The following NEBL variants were observed in gnomAD, a reference collection of about 807,000 sequenced individuals.
NEBL encodes LIM and SH3 protein 2.
NEBL carries 122 observed loss-of-function variants against 140.2 expected under a neutral mutation model. That is an observed-to-expected ratio of 0.87 (90% CI 0.75 to 1.01). NEBL has a LOEUF of 1.01. Among genes scored for constraint, NEBL ranks in the 50% least tolerant of loss-of-function variants. The probability of loss-of-function intolerance (pLI) is 0.00; values close to 1 mark genes in which losing one functional copy is unlikely to be tolerated. For synonymous variants in NEBL, 436 were observed against 398.9 expected (o/e 1.09, Z -1.11); for missense variants, 1,365 against 1,231.3 (o/e 1.11, Z -1.62).
At chr10:21,181,444 G>C (rs1017775085) in intron 3 of NEBL, among the ~76,000 whole-genome samples, 1 of 151,896 alleles carries the variant, frequency 6.6e-6, no homozygotes, top group Non-Finnish European at 1.5e-5. Context: ...CGGTAAGAGG[G>C]AGACTCATGA....
rs186112735 is a variant in NEBL at position 21,014,145 on chromosome 10, T to G, written c.249+5972A>C. Among the ~76,000 whole-genome samples, 460 of 152,096 alleles carry G rather than the reference T, an allele frequency of 3.0e-3. 2 individuals are homozygous for G. The highest frequency in any genetic ancestry group is 0.01 in the African/African-American group (422 of 41,492). On this transcript the variant is annotated intron_variant, in intron 3 of 6. Transcript: ENST00000417816. Reference sequence around the variant, plus strand: ...TATTATTATTAATATTATTTTAGATTTAGGGTCTCACTCTGTCACCCAGGC... The same window carrying G: ...TATTATTATTAATATTATTTTAGATGTAGGGTCTCACTCTGTCACCCAGGC...
chr10:20,961,848 A>G (rs1836066475), intron 3 of NEBL: 14 of 1,166,596 alleles, frequency 1.2e-5, no homozygotes, highest in Non-Finnish European at 1.7e-5. Context: ...GGCTGGGCCA[A>G]CGAAGCTGCT....
rs1443772453 is a variant in NEBL, at chr10:20,782,247, G to A, written c.*3500C>T. 6.6e-6 allele frequency: 1 copy of A among 152,280 alleles called. No homozygotes were observed. The highest frequency in any genetic ancestry group is 6.6e-5 in the Admixed American group (1 of 15,236). 9.4% of individuals were successfully genotyped at this position (152,280 alleles called of 1,614,324 possible). On this transcript the variant is annotated 3_prime_UTR_variant, in exon 28 of 28. Transcript: ENST00000377122. The stretch of plus-strand genomic sequence containing the variant: ...GAATAGGCAGCAACTTGCTTGCTTG[G>A]TTTTCTTTCCAAGAGCATACTAGAC...
chr10:20,923,366 C>T (rs1333085481), intron 4 of NEBL, among the ~76,000 whole-genome samples: 1 of 152,056 alleles, frequency 6.6e-6, no homozygotes, highest in African/African-American at 2.4e-5. Flanking sequence ...CACACCTGGC[C>T]ACGTATTCAT....
At chr10:20,927,888 C>A (rs962152039) in intron 4 of NEBL, among the ~76,000 whole-genome samples, 1 of 152,136 alleles carries the variant, frequency 6.6e-6, no homozygotes, top group Non-Finnish European at 1.5e-5. Flanking sequence ...ACATAAAATA[C>A]GAAGCTTTCA....
intron 3 of NEBL, among the ~76,000 whole-genome samples, chr10:21,202,516 T>G (rs1253304379): frequency 7.0e-6 from 1 of 143,822 alleles, no homozygotes; most frequent in Non-Finnish European, 1.5e-5. Context: ...CAGGCTGGAG[T>G]GCAGTGGCGT....
intron 2 of NEBL, among the ~76,000 whole-genome samples, chr10:21,054,271 TATC>T (rs995342379): frequency 2.8e-4 from 43 of 152,274 alleles, no homozygotes; most frequent in African/African-American, 9.6e-4. Flanking sequence ...TTGTTATTGT[TATC>T]ATTACTATTA....
At chr10:21,281,074 G>A (rs565105688) in intron 1 of NEBL, among the ~76,000 whole-genome samples, 9 of 152,188 alleles carry the variant, frequency 5.9e-5, no homozygotes, top group Non-Finnish European at 1.3e-4. Context: ...AACCCACAGA[G>A]TCATGGCAGA....
upstream of NEBL, chr10:21,174,885 C>T (rs1274516775): frequency 6.6e-6 from 1 of 152,268 alleles, no homozygotes; most frequent in Admixed American, 6.5e-5. Flanking sequence ...AGTCGAGCCT[C>T]TCTTGATTAA....
intron 2 of NEBL, among the ~76,000 whole-genome samples, chr10:21,161,782 C>T (rs1452260046): frequency 2.6e-5 from 4 of 152,044 alleles, no homozygotes; most frequent in South Asian, 2.1e-4. Context: ...GCTTTGATGG[C>T]GACAGTGTGA....
chr10:20,837,460 G>C (rs985316510), intron 13 of NEBL, among the ~76,000 whole-genome samples: 1 of 152,136 alleles, frequency 6.6e-6, no homozygotes, highest in Non-Finnish European at 1.5e-5. Flanking sequence ...CACAAGAAAA[G>C]TTGGAAACTA....
At chr10:20,889,808 T>C (rs975312510) in intron 3 of NEBL, 37 bp downstream of exon 3, 9 of 1,265,300 alleles carry the variant, frequency 7.1e-6, no homozygotes, top group Non-Finnish European at 9.3e-6. Flanking sequence ...AAGAAAAAGA[T>C]AAATGCAAGC....
intron 7 of NEBL, among the ~76,000 whole-genome samples, chr10:20,862,220 T>C (rs1041145559): frequency 1.3e-5 from 2 of 152,214 alleles, no homozygotes; most frequent in South Asian, 4.1e-4. Flanking sequence ...CAATCTGTTA[T>C]TCATATATTT....
At chr10:21,042,052 T>C (rs1326446809) in intron 2 of NEBL, among the ~76,000 whole-genome samples, 1 of 152,206 alleles carries the variant, frequency 6.6e-6, no homozygotes. Context: ...AGCAGGGTCT[T>C]TGTGACTGTA....
At chr10:21,107,462 G>T (rs1013358607) in intron 2 of NEBL, among the ~76,000 whole-genome samples, 4 of 152,132 alleles carry the variant, frequency 2.6e-5, no homozygotes, top group Admixed American at 1.3e-4. Flanking sequence ...TTATGTGGTG[G>T]ATTATGTTTA....
chr10:20,975,837 T>C (rs1490154205), intron 3 of NEBL, among the ~76,000 whole-genome samples: 2 of 152,118 alleles, frequency 1.3e-5, no homozygotes, highest in African/African-American at 4.8e-5. Context: ...TATAGATATA[T>C]ATGTGGGCTG....
intron 2 of NEBL, among the ~76,000 whole-genome samples, chr10:21,098,752 C>T (rs974003026): frequency 6.6e-6 from 1 of 152,178 alleles, no homozygotes; most frequent in African/African-American, 2.4e-5. Flanking sequence ...TAAGGAAGTC[C>T]TCCTCTGGCC....
chr10:20,925,770 A>G (rs1833879893), intron 4 of NEBL, among the ~76,000 whole-genome samples: 2 of 151,632 alleles, frequency 1.3e-5, no homozygotes, highest in South Asian at 4.2e-4. Context: ...AGTAGAGGTC[A>G]GCCATATTGG....
chr10:21,148,940 G>A (rs1214687230), intron 2 of NEBL, among the ~76,000 whole-genome samples: 2 of 152,122 alleles, frequency 1.3e-5, no homozygotes, highest in Non-Finnish European at 2.9e-5. Context: ...TCCATTGTCT[G>A]ACTGTGGGTC....
Sources: gnomAD v4.1 joint callset for allele counts (sites outside exome capture counted in the v4.1 genomes callset) on GRCh38, gnomAD v4.1.1 for gene constraint, MANE v1.5 for transcripts, NCBI Gene and HGNC (gene_info 2026-07-23, HGNC 2026-07-21) for gene names.